Variants in INPP5A observed in about 807,000 individuals in gnomAD.
The protein encoded by INPP5A is 43 kDa inositol polyphosphate 5-phophatase.
In INPP5A, 14 loss-of-function variants were observed where a neutral mutation model predicts 65.2. The observed-to-expected ratio is 0.21, with a 90% CI of 0.14 to 0.34. The LOEUF is 0.34. INPP5A is among the 10% of genes least tolerant of loss of function. The pLI, the probability that INPP5A is intolerant of heterozygous loss-of-function variation, is 1.00. For missense variants in INPP5A, 431 were observed against 545.6 expected (o/e 0.79, Z 2.09); for synonymous variants, 207 against 208.3 (o/e 0.99, Z 0.05).
At chr10:132,755,103 A>G (rs984477007) in intron 11 of INPP5A, among the ~76,000 whole-genome samples, 1 of 151,430 alleles carries the variant, frequency 6.6e-6, no homozygotes, top group Non-Finnish European at 1.5e-5. Context: ...GTGAGCAGGC[A>G]AGTGTGTGAG....
intron 1 of INPP5A, among the ~76,000 whole-genome samples, chr10:132,565,741 G>A (rs2071265979): frequency 6.6e-6 from 1 of 151,282 alleles, no homozygotes; most frequent in African/African-American, 2.4e-5. Context: ...GTGTGTGTGT[G>A]CGCCGTTGTG....
At position 132,782,425 on chromosome 10, in the gene INPP5A, A is replaced by C. The variant is rs1044009863; in HGVS notation, c.*396A>C. 7.2e-6 allele frequency: 2 copies of C among 278,124 alleles called. No homozygotes were observed. Among genetic ancestry groups the C allele is most frequent in the African/African-American group, 4.5e-5 (2 of 44,640 alleles). The allele number at this position is 278,124 out of a possible 1,614,324, so 17.2% of individuals were successfully genotyped here. On this transcript the variant is annotated 3_prime_UTR_variant, in exon 16 of 16. Transcript: ENST00000368594. This position sits in a 1 kb window ranked among gnomAD's most constrained non-coding sequence, Gnocchi z 4.4. ...TCCAGGGACCCCCTCTGCCAGGTGG[A>C]GGTGTGTCCAGGGGCTGGGGAAGCC... is the stretch of plus-strand genomic sequence containing the variant.
intron 4 of INPP5A, among the ~76,000 whole-genome samples, chr10:132,669,594 T>C (rs1458119445): frequency 6.6e-6 from 1 of 152,212 alleles, no homozygotes; most frequent in Non-Finnish European, 1.5e-5. Context: ...TTGAAAGTGG[T>C]TCTGCTTCTC....
At chr10:132,709,493 G>T (rs1252470708) in intron 7 of INPP5A, among the ~76,000 whole-genome samples, 1 of 152,124 alleles carries the variant, frequency 6.6e-6, no homozygotes, top group East Asian at 1.9e-4. Flanking sequence ...AGGCAGTGCA[G>T]GCTGCAGGCT....
intron 8 of INPP5A, among the ~76,000 whole-genome samples, chr10:132,723,897 G>A (rs1178596463): frequency 2.6e-5 from 4 of 152,228 alleles, no homozygotes; most frequent in Admixed American, 1.3e-4. Flanking sequence ...GACACAGCAA[G>A]CGCTTCCCTT....
Position 132,540,050 on chromosome 10 carries a change from G to T in INPP5A, c.75+1879G>T, listed in dbSNP as rs1012439797. On this transcript the variant is annotated intron_variant, in intron 1 of 15. Transcript: ENST00000368594. ...ATGGGTGTGTGTCTGTATATTTGGCGTTCTATTCTAGGCTTTCCAGTAACA... is the reference window on the plus strand; with the variant it reads ...ATGGGTGTGTGTCTGTATATTTGGCTTTCTATTCTAGGCTTTCCAGTAACA... Among the ~76,000 whole-genome samples, 4 of 152,146 alleles carry T rather than the reference G, an allele frequency of 2.6e-5. No individual in the cohort carries two copies. In the East Asian group the frequency reaches 5.8e-4, roughly 22 times the overall value.
At chr10:132,685,085 G>A (rs77442982) in intron 4 of INPP5A, among the ~76,000 whole-genome samples, 1,571 of 152,178 alleles carry the variant, frequency 0.01, 14 homozygotes, top group Non-Finnish European at 0.016. Flanking sequence ...AGGTGAAAAC[G>A]CTTTATCTGT....
intron 11 of INPP5A, among the ~76,000 whole-genome samples, chr10:132,750,401 G>C (rs752233509): frequency 6.6e-6 from 1 of 152,234 alleles, no homozygotes; most frequent in East Asian, 1.9e-4. Context: ...GGGAATGTGC[G>C]GCTCAGGTCG....
intron 9 of INPP5A, among the ~76,000 whole-genome samples, chr10:132,748,376 C>T (rs1386262583): frequency 6.6e-6 from 1 of 152,224 alleles, no homozygotes; most frequent in African/African-American, 2.4e-5. Context: ...GCTGTCCACA[C>T]AGAGCTTTGA....
At chr10:132,561,361 T>G (rs752970588) in intron 1 of INPP5A, among the ~76,000 whole-genome samples, 2 of 152,176 alleles carry the variant, frequency 1.3e-5, no homozygotes, top group Non-Finnish European at 2.9e-5. Context: ...CTTTGAAATA[T>G]TTTGAGTTAA....
At chr10:132,770,799 A>C (rs1187306501) in intron 12 of INPP5A, among the ~76,000 whole-genome samples, 1 of 152,228 alleles carries the variant, frequency 6.6e-6, no homozygotes, top group Non-Finnish European at 1.5e-5. Flanking sequence ...AGCCGCACAC[A>C]CAGGTCCCGG....
chr10:132,588,246 C>T (rs117493842), intron 1 of INPP5A, among the ~76,000 whole-genome samples: 2,278 of 152,262 alleles, frequency 0.015, 31 homozygotes, highest in South Asian at 0.038. Flanking sequence ...TCTGTGTCCC[C>T]GTTTTCTTTT....
Position 132,651,876 on chromosome 10 carries a change from C to T in INPP5A, c.306+1371C>T, listed in dbSNP as rs2072581410. On this transcript the variant is annotated intron_variant, in intron 4 of 15. Coordinates refer to ENST00000368594, the MANE Select transcript of INPP5A (RefSeq NM_005539.5). This position sits in a 1 kb window ranked among gnomAD's most constrained non-coding sequence, Gnocchi z 5.0. ...GGGAATCCCCCGTTCGGTCTCCGAC[C>T]CTCGCCCTGTCAAGCAGCTGCCCAC... Among the ~76,000 whole-genome samples the T allele has an allele frequency of 6.6e-6, 1 of 152,198 alleles. No individual in the cohort carries two copies. Among genetic ancestry groups the T allele is most frequent in the African/African-American group, 2.4e-5 (1 of 41,456 alleles).
chr10:132,771,832 G>GCAGA (rs33926948), intron 12 of INPP5A, among the ~76,000 whole-genome samples: 2 of 91,008 alleles, frequency 2.2e-5, no homozygotes, highest in African/African-American at 8.9e-5. Context: ...GAAGAGTGGG[G>GCAGA]CACTCAGCAC....
At chr10:132,735,055 G>A (rs1174747215) in intron 9 of INPP5A, among the ~76,000 whole-genome samples, 2 of 152,134 alleles carry the variant, frequency 1.3e-5, no homozygotes, top group African/African-American at 2.4e-5. Flanking sequence ...GGTGCATCTC[G>A]AGCACCTGTC....
At chr10:132,660,817 G>T (rs1015977234) in intron 4 of INPP5A, among the ~76,000 whole-genome samples, 3 of 152,216 alleles carry the variant, frequency 2.0e-5, no homozygotes, top group African/African-American at 7.2e-5. Context: ...TGTTTCAAAC[G>T]TAGAGTCCTC....
intron 5 of INPP5A, 120 bp downstream of exon 5, chr10:132,690,575 A>C (rs996404387): frequency 2.6e-6 from 2 of 758,488 alleles, no homozygotes; most frequent in African/African-American, 3.5e-5. Flanking sequence ...GGGTGTCTTG[A>C]GCCACTGTCC....
In INPP5A at chr10:132,782,388, C is replaced by T. The variant is rs576535647; in HGVS notation, c.*359C>T. 1,869 of 314,974 alleles carry T rather than the reference C, an allele frequency of 5.9e-3. 9 individuals carry two copies. Among genetic ancestry groups the T allele is most frequent in the Non-Finnish European group, 8.7e-3 (1,420 of 162,772 alleles). The allele number at this position is 314,974 out of a possible 1,614,324, so 19.5% of individuals were successfully genotyped here. On this transcript the variant is annotated 3_prime_UTR_variant, in exon 16 of 16. Coordinates refer to ENST00000368594, the MANE Select transcript of INPP5A (RefSeq NM_005539.5). The surrounding 1 kb of genome is among the most constrained non-coding windows in gnomAD (Gnocchi z 4.4). ...TGGAGGGGCTTCTTCAGCACAGAGA[C>T]CCCCCACTGTGTCCAGGGACCCCCT...
rs2072943259 is a variant in INPP5A at position 132,674,913 on chromosome 10, C to CCTTAT, written c.307-15477_307-15476insTATCT. 1.3e-5 allele frequency among the ~76,000 whole-genome samples: 2 copies of CCTTAT among 152,208 alleles called. No individual in the cohort carries two copies. The highest frequency in any genetic ancestry group is 2.9e-5 in the Non-Finnish European group (2 of 68,044). On this transcript the variant is annotated intron_variant, in intron 4 of 15. Coordinates refer to ENST00000368594, the MANE Select transcript of INPP5A (RefSeq NM_005539.5). The surrounding 1 kb of genome is among the most constrained non-coding windows in gnomAD (Gnocchi z 4.4). ...CTCCGCTGTGATTCACCTATGGGGA[C>CCTTAT]CTGCCAAAGGCTCCAAACAGCATCC...
Sources: gnomAD v4.1 joint callset for allele counts (sites outside exome capture counted in the v4.1 genomes callset) on GRCh38, gnomAD v4.1.1 for gene constraint, Gnocchi (gnomAD v3.1) non-coding constraint, MANE v1.5 for transcripts, NCBI Gene and HGNC (gene_info 2026-07-23, HGNC 2026-07-21) for gene names.